GALNT13: variants seen among roughly 807,000 people sequenced by gnomAD.
GALNT13 encodes polypeptide N-acetylgalactosaminyltransferase 13.
A neutral mutation model predicts 64.2 loss-of-function variants in GALNT13; 28 were observed. The ratio of observed to expected loss-of-function variants is 0.44; its 90% CI spans 0.32 to 0.60. The LOEUF is 0.60. GALNT13 is among the 20% of genes least tolerant of loss of function. The pLI, the probability that GALNT13 is intolerant of heterozygous loss-of-function variation, is 0.05. For missense variants in GALNT13, 577 were observed against 669.8 expected, an observed-to-expected ratio of 0.86 and a Z score of 1.53; for synonymous variants, 214 against 224.6, an observed-to-expected ratio of 0.95 and a Z score of 0.42.
chr2:154,175,748 T>C (rs2105714263), intron 4 of GALNT13, among the ~76,000 whole-genome samples: 1 of 152,246 alleles, frequency 6.6e-6, no homozygotes, highest in Admixed American at 6.5e-5. Context: ...GAAAATTATC[T>C]CTATCTTGAG....
chr2:153,943,358 A>G (rs986564693), intron 2 of GALNT13, among the ~76,000 whole-genome samples: 2 of 152,196 alleles, frequency 1.3e-5, no homozygotes, highest in Non-Finnish European at 2.9e-5. Context: ...CATTTATTGT[A>G]GATACTTTCT....
intron 4 of GALNT13, among the ~76,000 whole-genome samples, chr2:154,167,548 CA>C (rs1379361378): frequency 1.3e-5 from 2 of 152,168 alleles, no homozygotes; most frequent in African/African-American, 4.8e-5. Flanking sequence ...TAAAATTAAG[CA>C]AAAACTTTTC....
chr2:154,340,290 AT>A (rs1695687772), intron 9 of GALNT13, among the ~76,000 whole-genome samples: 2 of 152,002 alleles, frequency 1.3e-5, no homozygotes, highest in Non-Finnish European at 2.9e-5. Flanking sequence ...AGATCTCACT[AT>A]GTTACGCAGA....
At chr2:153,412,784 T>C in the GALNT13 span, among the ~76,000 whole-genome samples, 1 of 152,152 alleles carries the variant, frequency 6.6e-6, no homozygotes, top group Non-Finnish European at 1.5e-5. Context: ...TCTTCTTTGC[T>C]CTCTGGTGTT....
At chr2:153,597,751 A>G in the GALNT13 span, among the ~76,000 whole-genome samples, 1 of 152,246 alleles carries the variant, frequency 6.6e-6, no homozygotes, top group East Asian at 1.9e-4. Context: ...TCCAGGATAT[A>G]TGTTCTTATA....
chr2:154,455,108 A>C (rs1446324705), downstream of GALNT13, among the ~76,000 whole-genome samples: 1 of 152,168 alleles, frequency 6.6e-6, no homozygotes, highest in Non-Finnish European at 1.5e-5. Flanking sequence ...AAAAGGAAAA[A>C]AGTGTACAGA....
chr2:154,402,193 T>C (rs1237569424), intron 10 of GALNT13, among the ~76,000 whole-genome samples: 1 of 152,216 alleles, frequency 6.6e-6, no homozygotes, highest in Non-Finnish European at 1.5e-5. Context: ...GACTGTCTTA[T>C]CTTTAGAATG....
rs567554911 is a variant in GALNT13 at position 154,340,284 on chromosome 2, C to T, written c.1156+38695C>T. ...CTTATTTACCTTTTAGAGACAAGAT[C>T]TCACTATGTTACGCAGAGGGCCTAG... is the stretch of plus-strand genomic sequence containing the variant. On this transcript the variant is annotated intron_variant, in intron 9 of 12. Coordinates refer to ENST00000392825, the MANE Select transcript of GALNT13 (RefSeq NM_052917.4). Among the ~76,000 whole-genome samples the T allele has an allele frequency of 3.9e-5, 6 of 152,194 alleles. No individual in the cohort carries two copies. In the East Asian group the frequency reaches 9.7e-4, roughly 25 times the overall value.
chr2:154,060,387 G>T (rs958889113), intron 3 of GALNT13, among the ~76,000 whole-genome samples: 2 of 151,888 alleles, frequency 1.3e-5, no homozygotes, highest in Admixed American at 6.6e-5. Context: ...ACAGAGTTTC[G>T]CTCTGTTGCC....
chr2:153,187,848 A>G, the GALNT13 span, among the ~76,000 whole-genome samples: 1 of 152,184 alleles, frequency 6.6e-6, no homozygotes, highest in African/African-American at 2.4e-5. Flanking sequence ...AAATATTAAC[A>G]TACAAAACTT....
chr2:153,404,510 A>G, the GALNT13 span, among the ~76,000 whole-genome samples: 30 of 143,698 alleles, frequency 2.1e-4, no homozygotes, highest in African/African-American at 7.0e-4. Flanking sequence ...ATTTTTTTCA[A>G]AAGATTTTTT....
the GALNT13 span, among the ~76,000 whole-genome samples, chr2:153,455,516 A>G: frequency 2.0e-5 from 3 of 152,172 alleles, no homozygotes; most frequent in Non-Finnish European, 2.9e-5. Flanking sequence ...ACTCGGACCC[A>G]CTGACTTCCA....
intron 3 of GALNT13, among the ~76,000 whole-genome samples, chr2:154,050,715 C>T (rs971181459): frequency 6.6e-6 from 1 of 152,144 alleles, no homozygotes; most frequent in African/African-American, 2.4e-5. Flanking sequence ...AACATATGCA[C>T]ATCTGTATTT....
the GALNT13 span, among the ~76,000 whole-genome samples, chr2:153,530,421 A>C: frequency 6.6e-6 from 1 of 152,180 alleles, no homozygotes; most frequent in Non-Finnish European, 1.5e-5. Context: ...AGATGAGTCA[A>C]TATTATTAAT....
the GALNT13 span, among the ~76,000 whole-genome samples, chr2:153,717,570 T>C: frequency 6.6e-6 from 1 of 152,258 alleles, no homozygotes; most frequent in African/African-American, 2.4e-5. Flanking sequence ...TCAACGTTAT[T>C]GCTTATATAA....
chr2:153,755,822 C>T, the GALNT13 span, among the ~76,000 whole-genome samples: 1 of 152,106 alleles, frequency 6.6e-6, no homozygotes, highest in Non-Finnish European at 1.5e-5. Context: ...TCCAAGATAT[C>T]ATTACAATAA....
the GALNT13 span, among the ~76,000 whole-genome samples, chr2:153,615,726 T>A: frequency 6.6e-6 from 1 of 152,140 alleles, no homozygotes; most frequent in African/African-American, 2.4e-5. Flanking sequence ...ATCTTTTAAA[T>A]CTTTTAAATC....
At chr2:154,358,660 T>A (rs141753842) in intron 9 of GALNT13, among the ~76,000 whole-genome samples, 1 of 152,036 alleles carries the variant, frequency 6.6e-6, no homozygotes, top group Non-Finnish European at 1.5e-5. Flanking sequence ...AAACAATAAG[T>A]CTTACTGTTT....
chr2:154,244,400 C>G (rs1041618145), intron 6 of GALNT13, among the ~76,000 whole-genome samples: 1 of 152,086 alleles, frequency 6.6e-6, no homozygotes, highest in Admixed American at 6.6e-5. Context: ...TTTTCCAAGG[C>G]TAGAGGAGTC....
Sources: allele counts gnomAD v4.1 joint callset (sites outside exome capture counted in the v4.1 genomes callset), GRCh38; gene constraint gnomAD v4.1.1; transcripts MANE v1.5; gene names NCBI Gene and HGNC (gene_info 2026-07-23, HGNC 2026-07-21).